The following TCTN2 variants were observed in gnomAD, a reference collection of about 807,000 sequenced individuals.
TCTN2 encodes the protein tectonic-2.
Under a neutral mutation model 83.4 loss-of-function variants are expected in TCTN2, and 66 were observed. That is an observed-to-expected ratio of 0.79 (90% CI 0.65 to 0.97). The LOEUF is 0.97. Ranked by LOEUF, TCTN2 falls within the 50% of genes least tolerant of loss-of-function variation. The pLI is 0.00. For synonymous variants in TCTN2, 301 were observed against 326.7 expected (o/e 0.92, Z 0.85); for missense variants, 794 against 858.1 (o/e 0.93, Z 0.93).
At chr12:123,698,044 T>C (rs536273026) in intron 13 of TCTN2, among the ~76,000 whole-genome samples, 1 of 151,732 alleles carries the variant, frequency 6.6e-6, no homozygotes, top group East Asian at 2.0e-4. Context: ...TCTGTTTTTG[T>C]TTTTGTTTTT....
rs774994149 is a variant in TCTN2 at position 123,671,608 on chromosome 12, G to C, written c.184G>C (p.Glu62Gln). 9.3e-6 allele frequency: 15 copies of C among 1,611,988 alleles called. No individual in the cohort carries two copies. The highest frequency in any genetic ancestry group is 1.3e-5 in the Non-Finnish European group (15 of 1,179,828). The change falls in exon 2 of 18, where the codon GAG (glutamate) becomes CAG (glutamine). Residue 62 changes from glutamate (E) to glutamine (Q), a missense_variant. Glu to Gln is a conservative substitution (Grantham distance 29). Coordinates refer to ENST00000303372, the MANE Select transcript of TCTN2 (RefSeq NM_024809.5). Reference protein sequence around the residue: ...VTVSLAVLQDEAGILPIPTCG... With the variant: ...VTVSLAVLQDQAGILPIPTCG... ...CGTGTCCCTGGCAGTGCTGCAGGAC[G>C]AGGCGGGTAAAGTCCGGCCCTCTTT...
chr12:123,695,154 T>A, intron 10 of TCTN2, 66 bp from the exon 11 acceptor site: 1 of 1,385,920 alleles, frequency 7.2e-7, no homozygotes, highest in Non-Finnish European at 1.0e-6. Context: ...AGGTAAACAC[T>A]ATGGAGAATA....
chr12:123,678,679 CTG>C (rs1272035155), intron 4 of TCTN2, among the ~76,000 whole-genome samples: 2 of 152,184 alleles, frequency 1.3e-5, no homozygotes, highest in African/African-American at 4.8e-5. Flanking sequence ...TTCATTGTAA[CTG>C]GCGTGTTTTC....
chr12:123,708,106 A>G lies in TCTN2; in HGVS notation c.*393A>G, dbSNP rs1038148476. ...CACTGCAATCTCTGCCTCCCAAGCA[A>G]TCCTCCCACCTCAGCCTCTGGTGTA... is the stretch of plus-strand genomic sequence containing the variant. On this transcript the variant is annotated 3_prime_UTR_variant, in exon 18 of 18. Transcript: ENST00000303372. 2 of 242,594 alleles carry G rather than the reference A, an allele frequency of 8.2e-6. No individual in the cohort carries two copies. The highest frequency in any genetic ancestry group is 5.3e-5 in the Admixed American group (1 of 18,814). 15.0% of individuals were successfully genotyped at this position (242,594 alleles called of 1,614,324 possible). A position where few individuals can be genotyped will look rare whatever the true frequency, so the allele number is the denominator to read the frequency against.
At position 123,704,530 on chromosome 12, in the gene TCTN2, A is replaced by G. The variant is rs781389719; in HGVS notation, c.1613-2A>G. ...AAAGTGTATAACTTAACATTTCTAT[A>G]GGTGTAGATGCCCCTGATCCAGGTG... On this transcript the variant is annotated splice_acceptor_variant, in intron 14 of 17. Transcript: ENST00000303372. LOFTEE classifies it high-confidence loss of function. The G allele has an allele frequency of 6.2e-7, 1 of 1,609,992 alleles. No homozygotes were observed. Among genetic ancestry groups the G allele is most frequent in the Non-Finnish European group, 8.5e-7 (1 of 1,178,186 alleles).
chr12:123,695,551 A>T, intron 11 of TCTN2: 1 of 346,418 alleles, frequency 2.9e-6, no homozygotes, highest in Non-Finnish European at 5.3e-6. Flanking sequence ...CCTCCTGAGT[A>T]GCTGGGATTA....
chr12:123,700,099 C>A, intron 14 of TCTN2: 1 of 479,344 alleles, frequency 2.1e-6, no homozygotes, highest in Non-Finnish European at 3.8e-6. Context: ...GCCTCCTCAT[C>A]CTCCCAGGCT....
intron 13 of TCTN2, 142 bp from the exon 14 acceptor site, chr12:123,699,562 G>A: frequency 2.7e-6 from 2 of 727,586 alleles, no homozygotes. Flanking sequence ...GTCCATGGGT[G>A]ACACCCAGCC....
At chr12:123,672,680 G>A (rs1231132791) in intron 3 of TCTN2, among the ~76,000 whole-genome samples, 4 of 152,036 alleles carry the variant, frequency 2.6e-5, no homozygotes, top group Non-Finnish European at 5.9e-5. Context: ...AGGAGTTCAG[G>A]GCTGCAGAGA....
chr12:123,701,534 C>G (rs554201883), intron 14 of TCTN2, among the ~76,000 whole-genome samples: 1 of 151,640 alleles, frequency 6.6e-6, no homozygotes, highest in South Asian at 2.1e-4. Flanking sequence ...GTCAGGAGAT[C>G]GAGAGCATCC....
In TCTN2 at chr12:123,672,121, A is replaced by G. The variant is rs1223849048; in HGVS notation, c.256A>G (p.Ile86Val). The change falls in exon 3 of 18, where the codon ATC (isoleucine) becomes GTC (valine). Residue 86 changes from isoleucine (I) to valine (V), a missense_variant. Physicochemically the swap from Ile to Val is conservative, Grantham distance 29. Transcript: ENST00000303372. ...GACGGAAGACTGGAGCGTGACTGTG[A>G]TCCCCGGTGCGGTAAGGCCAGAAGT... Reference protein sequence around the residue: ...NETEDWSVTVIPGAKVLEVTV... With the variant: ...NETEDWSVTVVPGAKVLEVTV... 1 of 1,614,148 alleles carries G rather than the reference A, an allele frequency of 6.2e-7. No individual in the cohort carries two copies. The highest frequency in any genetic ancestry group is 1.7e-5 in the Admixed American group (1 of 60,012).
At chr12:123,692,269 A>G (rs1956052519) in intron 8 of TCTN2, among the ~76,000 whole-genome samples, 2 of 151,920 alleles carry the variant, frequency 1.3e-5, no homozygotes, top group African/African-American at 4.8e-5. Context: ...ACTGGTCTCA[A>G]ACTGACCTCA....
chr12:123,692,808 T>G (rs1956059655), intron 9 of TCTN2, 85 bp downstream of exon 9: 10 of 1,088,674 alleles, frequency 9.2e-6, no homozygotes, highest in Non-Finnish European at 1.3e-5. Context: ...AGAGTGTATA[T>G]TTTTGTTAGT....
At position 123,707,814 on chromosome 12, in the gene TCTN2, C is replaced by A; in HGVS notation, c.*101C>A. 1.1e-6 allele frequency: 1 copy of A among 882,606 alleles called. No homozygotes were observed. The highest frequency in any genetic ancestry group is 1.9e-6 in the Non-Finnish European group (1 of 530,002). The allele number at this position is 882,606 out of a possible 1,614,324, so 54.7% of individuals were successfully genotyped here. A position where few individuals can be genotyped will look rare whatever the true frequency, so the allele number is the denominator to read the frequency against. On this transcript the variant is annotated 3_prime_UTR_variant, in exon 18 of 18. Coordinates refer to ENST00000303372, the MANE Select transcript of TCTN2 (RefSeq NM_024809.5). ...ACAACCTCCTCCTCTTGGGTTCAAG[C>A]GATTCTCCTGCCTCAGCCTCCGGAG...
intron 3 of TCTN2, among the ~76,000 whole-genome samples, chr12:123,672,557 G>A (rs557703786): frequency 6.6e-6 from 1 of 151,668 alleles, no homozygotes; most frequent in African/African-American, 2.4e-5. Context: ...AACATAGCGA[G>A]ACCTCGTCTC....
chr12:123,688,250 C>CA, intron 7 of TCTN2, 73 bp downstream of exon 7: 1 of 1,537,758 alleles, frequency 6.5e-7, no homozygotes, highest in African/African-American at 1.4e-5. Flanking sequence ...GAGTCTCGCT[C>CA]TTACCTCCTA....
intron 9 of TCTN2, among the ~76,000 whole-genome samples, chr12:123,694,361 T>C (rs1336020563): frequency 1.3e-5 from 2 of 152,220 alleles, no homozygotes; most frequent in East Asian, 3.8e-4. Context: ...ACTCTTGACC[T>C]CAGGTGATCT....
intron 4 of TCTN2, among the ~76,000 whole-genome samples, chr12:123,674,348 G>C (rs1426831207): frequency 2.0e-5 from 3 of 151,876 alleles, no homozygotes; most frequent in African/African-American, 7.3e-5. Context: ...TCGGCTCACT[G>C]CAACCTCCAC....
Position 123,685,049 on chromosome 12 carries a change from C to CA in TCTN2, c.565-1771dup, listed in dbSNP as rs35845988. Among the ~76,000 whole-genome samples the CA allele has an allele frequency of 4.2e-3, 397 of 94,704 alleles. 2 individuals are homozygous for CA. Among genetic ancestry groups the CA allele is most frequent in the East Asian group, 0.026 (84 of 3,292 alleles). The allele number at this position is 94,704 out of a possible 152,430, so 62.1% of individuals were successfully genotyped here. ...TGGGTGACAGAGCGAGACTCCATCT[C>CA]AAAAAAAAAAAAAAAAGAGTAAAGT... On this transcript the variant is annotated intron_variant, in intron 5 of 17. Coordinates refer to ENST00000303372, the MANE Select transcript of TCTN2 (RefSeq NM_024809.5).
Sources: gnomAD v4.1 joint callset for allele counts (sites outside exome capture counted in the v4.1 genomes callset) on GRCh38, gnomAD v4.1.1 for gene constraint, MANE v1.5 for transcripts, NCBI Gene and HGNC (gene_info 2026-07-23, HGNC 2026-07-21) for gene names.